SGPP2: variants seen among roughly 807,000 people sequenced by gnomAD.
SGPP2 encodes the protein sphingosine-1-phosphate phosphatase 2, also known as sphingosine 1-phosphate phosphohydrolase 2.
Under a neutral mutation model 33.9 loss-of-function variants are expected in SGPP2, and 30 were observed. The ratio of observed to expected loss-of-function variants is 0.89; its 90% CI spans 0.66 to 1.20. The LOEUF (loss-of-function observed/expected upper bound fraction) is 1.20, where lower values mean the gene tolerates loss of function less well. Ranked by LOEUF, SGPP2 falls within the 50% of genes most tolerant of loss-of-function variation. The pLI, the probability that SGPP2 is intolerant of heterozygous loss-of-function variation, is 0.00. For missense variants in SGPP2, 458 were observed against 532.1 expected (o/e 0.86, Z 1.37); for synonymous variants, 233 against 225.0 (o/e 1.04, Z -0.32).
At chr2:222,428,785 CTTTTTTTT>C (rs58239129) in intron 1 of SGPP2, among the ~76,000 whole-genome samples, 1 of 75,342 alleles carries the variant, frequency 1.3e-5, no homozygotes, top group Non-Finnish European at 2.5e-5. Context: ...ACATGGTTTT[CTTTTTTTT>C]TTTTTTTTTT....
chr2:222,452,772 G>T, intron 1 of SGPP2: 1 of 1,491,642 alleles, frequency 6.7e-7, no homozygotes, highest in South Asian at 1.1e-5. Context: ...GTGGTAAGAA[G>T]AGTAGAGGCT....
At chr2:222,533,633 G>A (rs1018702567) in intron 4 of SGPP2, among the ~76,000 whole-genome samples, 3 of 152,114 alleles carry the variant, frequency 2.0e-5, no homozygotes, top group Non-Finnish European at 2.9e-5. Flanking sequence ...AGTATAAGGA[G>A]GTCAGAGGTG....
chr2:222,496,410 A>G (rs989571324), intron 2 of SGPP2, among the ~76,000 whole-genome samples: 1 of 152,208 alleles, frequency 6.6e-6, no homozygotes, highest in African/African-American at 2.4e-5. Flanking sequence ...CATTTCTGGA[A>G]ACATTCCCTC....
intron 3 of SGPP2, among the ~76,000 whole-genome samples, chr2:222,523,676 A>ATATTGGTTTATTTATATATTATATT (rs1698717652): frequency 6.6e-6 from 1 of 151,680 alleles, no homozygotes; most frequent in African/African-American, 2.4e-5. Flanking sequence ...ACAGCTCTAA[A>ATATTGGTTTATTTATATATTATATT]TATTGGTTTA....
chr2:222,463,468 A>G (rs1483208260), intron 1 of SGPP2, among the ~76,000 whole-genome samples: 1 of 152,212 alleles, frequency 6.6e-6, no homozygotes, highest in Non-Finnish European at 1.5e-5. Flanking sequence ...ATAGTTGATC[A>G]TGGTGCCACA....
chr2:222,469,606 C>G (rs1420597594), intron 1 of SGPP2, among the ~76,000 whole-genome samples: 1 of 152,178 alleles, frequency 6.6e-6, no homozygotes, highest in Non-Finnish European at 1.5e-5. Flanking sequence ...TCATTGGCCT[C>G]AGCTTTTGCT....
chr2:222,491,309 A>AT (rs1344013308), intron 2 of SGPP2, among the ~76,000 whole-genome samples: 1 of 151,930 alleles, frequency 6.6e-6, no homozygotes, highest in Non-Finnish European at 1.5e-5. Context: ...TAAGTTTTTA[A>AT]TTTTTTTGTA....
chr2:222,434,844 T>A (rs925453257), intron 1 of SGPP2, among the ~76,000 whole-genome samples: 1 of 151,734 alleles, frequency 6.6e-6, no homozygotes, highest in Non-Finnish European at 1.5e-5. Flanking sequence ...TGAAAGATAA[T>A]TAAAGGGTGG....
rs1689510747 is a variant in SGPP2, at chr2:222,560,222, CAAA to C, written c.*1325_*1327del. The stretch of plus-strand genomic sequence containing the variant: ...GAACTCAATCCTTTCTGGAGTCTGA[CAAA>C]GAAGGGATAGGCTTCCTTGACATTG... On this transcript the variant is annotated 3_prime_UTR_variant, in exon 5 of 5. Coordinates refer to ENST00000321276, the MANE Select transcript of SGPP2 (RefSeq NM_152386.4). 4 of 152,294 alleles carry C rather than the reference CAAA, an allele frequency of 2.6e-5. No homozygotes were observed. In the Middle Eastern group the frequency reaches 0.01, roughly 389 times the overall value. The allele number at this position is 152,294 out of a possible 1,614,324, so 9.4% of individuals were successfully genotyped here. A position where few individuals can be genotyped will look rare whatever the true frequency, so the allele number is the denominator to read the frequency against.
Position 222,558,858 on chromosome 2 carries a change from C to A in SGPP2, c.1160C>A (p.Thr387Asn). The part of the protein sequence containing the change: ...TYTSVGICAT[T>N]FVPMLHRFLG... ...ACATCTGTTGGCATCTGCGCTACAA[C>A]CTTTGTGCCGATGCTTCACAGGTTT... Residue 387 changes from threonine to asparagine, a missense_variant, in exon 5 of 5, where the codon ACC becomes AAC. Physicochemically the swap from Thr to Asn is moderately conservative, Grantham distance 65. Coordinates refer to ENST00000321276, the MANE Select transcript of SGPP2 (RefSeq NM_152386.4). 3.7e-6 allele frequency: 6 copies of A among 1,611,368 alleles called. No individual in the cohort carries two copies. Among genetic ancestry groups the A allele is most frequent in the Non-Finnish European group, 5.1e-6 (6 of 1,177,656 alleles).
intron 4 of SGPP2, among the ~76,000 whole-genome samples, chr2:222,553,384 C>T (rs1689330941): frequency 1.3e-5 from 2 of 152,132 alleles, no homozygotes; most frequent in African/African-American, 2.4e-5. Context: ...GTGAGTGGGG[C>T]AGAAAGTTCA....
At chr2:222,488,464 G>A (rs541849575) in intron 2 of SGPP2, among the ~76,000 whole-genome samples, 4 of 152,208 alleles carry the variant, frequency 2.6e-5, no homozygotes, top group African/African-American at 9.6e-5. Context: ...GATGTCTGAT[G>A]ATCTGAGGTG....
intron 2 of SGPP2, among the ~76,000 whole-genome samples, chr2:222,480,183 A>C (rs527706309): frequency 2.2e-4 from 34 of 152,362 alleles, no homozygotes; most frequent in African/African-American, 7.9e-4. Flanking sequence ...TATCTTTAAA[A>C]GGTTAGAGGC....
Position 222,474,642 on chromosome 2 carries a change from A to G in SGPP2, c.294A>G (p.Gln98=), listed in dbSNP as rs142829214. 9.0e-5 allele frequency: 146 copies of G among 1,614,010 alleles called. 1 individual carries two copies. The African/African-American group carries it at 1.2e-3, about 13-fold the overall frequency. The part of the protein sequence containing the change: ...YLFQFSAALG[Q]EVFYITFLPF... ...TCCAATTTTCAGCTGCTTTGGGCCA[A>G]GAAGTGTTCTACATCACGTTTCTTC... is the stretch of plus-strand genomic sequence containing the variant. The change falls in exon 2 of 5, where the codon CAA becomes CAG. Residue 98 remains glutamine, a synonymous_variant. Transcript: ENST00000321276.
intron 4 of SGPP2, among the ~76,000 whole-genome samples, chr2:222,545,194 C>T (rs1282809886): frequency 6.6e-6 from 1 of 151,804 alleles, no homozygotes; most frequent in Non-Finnish European, 1.5e-5. Context: ...TTCTTCGCTC[C>T]GTGTCTTTTT....
chr2:222,472,524 A>T (rs1179198803), intron 1 of SGPP2, among the ~76,000 whole-genome samples: 2 of 152,170 alleles, frequency 1.3e-5, no homozygotes, highest in Admixed American at 1.3e-4. Flanking sequence ...GATGATGATG[A>T]TGATACAGAT....
chr2:222,430,685 AG>A (rs1553531565), intron 1 of SGPP2, among the ~76,000 whole-genome samples: 1 of 152,224 alleles, frequency 6.6e-6, no homozygotes, highest in Admixed American at 6.5e-5. Flanking sequence ...TAGAAAGAGA[AG>A]GGGGAAAAAA....
intron 4 of SGPP2, among the ~76,000 whole-genome samples, chr2:222,531,147 G>C (rs1698833164): frequency 6.6e-6 from 1 of 152,202 alleles, no homozygotes; most frequent in Non-Finnish European, 1.5e-5. Context: ...AGAGCATAGG[G>C]AGGTGAGAAG....
chr2:222,482,246 G>C (rs1029602623), intron 2 of SGPP2, among the ~76,000 whole-genome samples: 3 of 152,314 alleles, frequency 2.0e-5, no homozygotes, highest in Admixed American at 2.0e-4. Context: ...TTGCTGTAAA[G>C]TGATGGAAAA....
Sources: gnomAD v4.1 joint callset for allele counts (sites outside exome capture counted in the v4.1 genomes callset) on GRCh38, gnomAD v4.1.1 for gene constraint, MANE v1.5 for transcripts, NCBI Gene and HGNC (gene_info 2026-07-23, HGNC 2026-07-21) for gene names.